PRKAR1A: variants seen among roughly 807,000 people sequenced by gnomAD.
PRKAR1A encodes cAMP-dependent protein kinase type I-alpha regulatory subunit.
In PRKAR1A, 3 loss-of-function variants were observed where a neutral mutation model predicts 52.0. That is an observed-to-expected ratio of 0.06 (90% confidence interval 0.03 to 0.15). The LOEUF (loss-of-function observed/expected upper bound fraction) is 0.15, where lower values mean the gene tolerates loss of function less well. PRKAR1A is among the 10% of genes least tolerant of loss of function. PRKAR1A has a pLI of 1.00. For missense variants in PRKAR1A, 240 were observed against 477.4 expected, an observed-to-expected ratio of 0.50 and a Z score of 4.63; for synonymous variants, 188 against 168.4, an observed-to-expected ratio of 1.12 and a Z score of -0.90.
chr17:68,506,829 A>G (rs1600447184), upstream of PRKAR1A, among the ~76,000 whole-genome samples: 1 of 152,124 alleles, frequency 6.6e-6, no homozygotes, highest in African/African-American at 2.4e-5. Flanking sequence ...TTATCTCTGC[A>G]TGCCTGTTAC....
At chr17:68,515,369 G>A (rs2085397320) in intron 1 of PRKAR1A, 25 bp from the exon 2 acceptor site, 2 of 1,611,986 alleles carry the variant, frequency 1.2e-6, no homozygotes, top group Non-Finnish European at 1.7e-6. Flanking sequence ...GTTTATACAA[G>A]CATGTGTGTG....
the PRKAR1A span, among the ~76,000 whole-genome samples, chr17:68,479,825 G>T: frequency 2.6e-5 from 4 of 152,190 alleles, no homozygotes; most frequent in Non-Finnish European, 5.9e-5. Flanking sequence ...CCACATGGCT[G>T]GGAAGGCCTC....
chr17:68,418,695 G>A, the PRKAR1A span, among the ~76,000 whole-genome samples: 35 of 152,254 alleles, frequency 2.3e-4, no homozygotes, highest in African/African-American at 7.7e-4. Flanking sequence ...ATAAGAAGTC[G>A]TCAGTGGAAC....
At chr17:68,497,706 G>A in the PRKAR1A span, among the ~76,000 whole-genome samples, 16 of 152,288 alleles carry the variant, frequency 1.1e-4, no homozygotes, top group East Asian at 3.1e-3. Flanking sequence ...AAAAAAAACT[G>A]AAGCTTAGAT....
the PRKAR1A span, among the ~76,000 whole-genome samples, chr17:68,433,868 T>C: frequency 2.1e-5 from 3 of 141,574 alleles, no homozygotes; most frequent in Non-Finnish European, 4.5e-5. Flanking sequence ...CTGCAACCTC[T>C]ACCTCCTGGG....
the PRKAR1A span, among the ~76,000 whole-genome samples, chr17:68,465,610 C>T: frequency 1.4e-5 from 2 of 143,114 alleles, no homozygotes; most frequent in African/African-American, 2.6e-5. Flanking sequence ...GTGCGGTGCG[C>T]GACCACGCCC....
At chr17:68,483,589 C>T in the PRKAR1A span, among the ~76,000 whole-genome samples, 1 of 152,264 alleles carries the variant, frequency 6.6e-6, no homozygotes, top group East Asian at 1.9e-4. Flanking sequence ...AGGCCAGGTG[C>T]GGTGGCTCAT....
At chr17:68,441,337 G>A in the PRKAR1A span, among the ~76,000 whole-genome samples, 2 of 152,228 alleles carry the variant, frequency 1.3e-5, no homozygotes, top group African/African-American at 2.4e-5. Context: ...GGCAACAGGC[G>A]AACTCTGTAT....
At chr17:68,468,051 A>G in the PRKAR1A span, among the ~76,000 whole-genome samples, 1 of 152,086 alleles carries the variant, frequency 6.6e-6, no homozygotes, top group Non-Finnish European at 1.5e-5. Context: ...ACATACTACC[A>G]TGCCCAACTA....
In PRKAR1A at chr17:68,530,797, T is replaced by G; in HGVS notation, c.*348T>G. On this transcript the variant is annotated 3_prime_UTR_variant, in exon 11 of 11. Transcript: ENST00000589228. ...AGAGTAATGATGTAACAGTGCAAGA[T>G]TTTTTTTTTAAGTGACATAATTGTC... 3 of 1,084,604 alleles carry G rather than the reference T, an allele frequency of 2.8e-6. No individual in the cohort carries two copies. The highest frequency in any genetic ancestry group is 5.1e-5 in the South Asian group (2 of 38,934). 67.2% of individuals were successfully genotyped at this position (1,084,604 alleles called of 1,614,324 possible). A position where few individuals can be genotyped will look rare whatever the true frequency, so the allele number is the denominator to read the frequency against.
At chr17:68,549,868 A>G (rs1038485860) in intron 11 of PRKAR1A, among the ~76,000 whole-genome samples, 2 of 152,236 alleles carry the variant, frequency 1.3e-5, no homozygotes, top group African/African-American at 4.8e-5. Context: ...AAGGAACACA[A>G]TGTATTTATT....
At chr17:68,435,757 G>T in the PRKAR1A span, 1 of 1,569,904 alleles carries the variant, frequency 6.4e-7, no homozygotes, top group South Asian at 1.1e-5. Flanking sequence ...GCGGAGGAGG[G>T]AAGATGGATT....
chr17:68,460,396 T>C, the PRKAR1A span, among the ~76,000 whole-genome samples: 1 of 152,180 alleles, frequency 6.6e-6, no homozygotes, highest in African/African-American at 2.4e-5. Flanking sequence ...CAGTCAGGTA[T>C]TCAGGAAGTT....
chr17:68,450,080 C>T, the PRKAR1A span, among the ~76,000 whole-genome samples: 6 of 152,168 alleles, frequency 3.9e-5, no homozygotes, highest in Non-Finnish European at 8.8e-5. Context: ...ACCCCCAATA[C>T]TTACTGAATA....
the PRKAR1A span, among the ~76,000 whole-genome samples, chr17:68,490,463 A>T: frequency 6.6e-6 from 1 of 152,074 alleles, no homozygotes; most frequent in African/African-American, 2.4e-5. Flanking sequence ...TCCTATTCTG[A>T]TCTGGGTTAT....
intron 1 of PRKAR1A, among the ~76,000 whole-genome samples, chr17:68,514,370 C>G (rs2085363571): frequency 6.6e-6 from 1 of 152,084 alleles, no homozygotes; most frequent in African/African-American, 2.4e-5. Flanking sequence ...TGGAGGGGAC[C>G]ACACTCTTGT....
chr17:68,460,864 T>C, the PRKAR1A span, among the ~76,000 whole-genome samples: 3 of 152,192 alleles, frequency 2.0e-5, no homozygotes, highest in African/African-American at 7.2e-5. Flanking sequence ...TCAAAAAATT[T>C]CCCAGAAGTC....
At chr17:68,489,370 A>G in the PRKAR1A span, among the ~76,000 whole-genome samples, 824 of 103,642 alleles carry the variant, frequency 8.0e-3, 75 homozygotes, top group African/African-American at 0.032. Context: ...GAAAGTATAT[A>G]TATATATGGA....
chr17:68,495,200 T>A, the PRKAR1A span, among the ~76,000 whole-genome samples: 6 of 152,162 alleles, frequency 3.9e-5, no homozygotes, highest in African/African-American at 4.8e-5. Context: ...CTAATTTTTT[T>A]AAAAGTTTCT....
Sources: allele counts gnomAD v4.1 joint callset (sites outside exome capture counted in the v4.1 genomes callset), GRCh38; gene constraint gnomAD v4.1.1; transcripts MANE v1.5; gene names NCBI Gene and HGNC (gene_info 2026-07-23, HGNC 2026-07-21).